FGF12: variants seen among roughly 807,000 people sequenced by gnomAD.
FGF12 encodes the protein fibroblast growth factor 12.
FGF12 carries 14 observed loss-of-function variants against 23.6 expected under a neutral mutation model. That is an observed-to-expected ratio of 0.59 (90% CI 0.39 to 0.93). The LOEUF (loss-of-function observed/expected upper bound fraction) is 0.93, where lower values mean the gene tolerates loss of function less well. Among genes scored for constraint, FGF12 ranks in the 40% least tolerant of loss-of-function variants. The probability of loss-of-function intolerance (pLI) is 0.00; values close to 1 mark genes in which losing one functional copy is unlikely to be tolerated. For missense variants in FGF12, 175 were observed against 217.8 expected, an observed-to-expected ratio of 0.80 and a Z score of 1.24; for synonymous variants, 62 against 77.3, an observed-to-expected ratio of 0.80 and a Z score of 1.04.
Position 192,562,721 on chromosome 3 carries a change from AACCCT to A in FGF12, c.13+164455_13+164459del, listed in dbSNP as rs371757554. Reference sequence around the variant, plus strand: ...CAGAAGATAAATTCTGGGTGATACTAACCCTACCTCTGAGACTTTTTTTTTTTTTT... The same window carrying A: ...CAGAAGATAAATTCTGGGTGATACTAACCTCTGAGACTTTTTTTTTTTTTT... On this transcript the variant is annotated intron_variant, in intron 2 of 5. Transcript: ENST00000445105. Among the ~76,000 whole-genome samples, 853 of 151,130 alleles carry A rather than the reference AACCCT, an allele frequency of 5.6e-3. 9 individuals carry two copies. Among genetic ancestry groups the A allele is most frequent in the African/African-American group, 0.019 (805 of 41,318 alleles).
intron 2 of FGF12, among the ~76,000 whole-genome samples, chr3:192,484,315 TAAAAAAAAA>T (rs57914760): frequency 3.0e-5 from 3 of 99,678 alleles, no homozygotes; most frequent in Admixed American, 1.2e-4. Context: ...TCCATTTTCC[TAAAAAAAAA>T]AAAAAAAAAA....
chr3:192,727,142 C>T, intron 2 of FGF12, 39 bp downstream of exon 2: 4 of 1,567,286 alleles, frequency 2.6e-6, no homozygotes, highest in Non-Finnish European at 3.5e-6. Flanking sequence ...GCCACACGCA[C>T]ATGCAGCGGG....
intron 4 of FGF12, among the ~76,000 whole-genome samples, chr3:192,187,256 T>A (rs558482422): frequency 6.6e-6 from 1 of 152,310 alleles, no homozygotes; most frequent in African/African-American, 2.4e-5. Context: ...TCGACGAGTT[T>A]TAGTTTCTGA....
At chr3:192,410,546 T>G (rs972621186) in intron 2 of FGF12, among the ~76,000 whole-genome samples, 32 of 152,258 alleles carry the variant, frequency 2.1e-4, no homozygotes, top group African/African-American at 7.7e-4. Flanking sequence ...ATTCTCTGTT[T>G]AGTTAGGAAG....
Position 192,360,595 on chromosome 3 carries a change from C to T in FGF12, c.14-57G>A. 1.7e-6 allele frequency: 2 copies of T among 1,185,328 alleles called. No individual in the cohort carries two copies. The highest frequency in any genetic ancestry group is 2.4e-5 in the South Asian group (2 of 81,842). 73.4% of individuals were successfully genotyped at this position (1,185,328 alleles called of 1,614,324 possible). A position where few individuals can be genotyped will look rare whatever the true frequency, so the allele number is the denominator to read the frequency against. On this transcript the variant is annotated intron_variant, in intron 2 of 5. Transcript: ENST00000445105. The surrounding 1 kb of genome is among the most constrained non-coding windows in gnomAD (Gnocchi z 4.3). ...TTTGGCTTACACAAATGCACACTTA[C>T]AGATTGTTAAAAACATCCTGTAAGT... is the stretch of plus-strand genomic sequence containing the variant.
At chr3:192,554,467 T>C (rs1024969392) in intron 2 of FGF12, among the ~76,000 whole-genome samples, 1 of 152,016 alleles carries the variant, frequency 6.6e-6, no homozygotes, top group Non-Finnish European at 1.5e-5. Flanking sequence ...AACTGGCAAA[T>C]CTCTCTAATG....
chr3:192,450,485 C>CCTAACTTTT (rs1223062828), intron 2 of FGF12, among the ~76,000 whole-genome samples: 1 of 152,184 alleles, frequency 6.6e-6, no homozygotes, highest in Non-Finnish European at 1.5e-5. Context: ...AAACTCAACA[C>CCTAACTTTT]AGGATACTGA....
Position 192,408,733 on chromosome 3 carries a change from C to T in FGF12, c.14-48195G>A, listed in dbSNP as rs9847297. Reference sequence around the variant, plus strand: ...AGAGTCTGGACCCAGGCGGGTAGCGCGCCCCCGGTAGAAAATACTAAAAAG... The same window carrying T: ...AGAGTCTGGACCCAGGCGGGTAGCGTGCCCCCGGTAGAAAATACTAAAAAG... On this transcript the variant is annotated intron_variant, in intron 2 of 5. Coordinates refer to ENST00000445105, the MANE Select transcript of FGF12 (RefSeq NM_004113.6). This position sits in a 1 kb window ranked among gnomAD's most constrained non-coding sequence, Gnocchi z 7.3. 5,263 of 986,820 alleles carry T rather than the reference C, an allele frequency of 5.3e-3. 199 individuals are homozygous for T. In the African/African-American group the frequency reaches 0.085, roughly 16 times the overall value. 61.1% of individuals were successfully genotyped at this position (986,820 alleles called of 1,614,324 possible).
intron 2 of FGF12, among the ~76,000 whole-genome samples, chr3:192,522,146 C>G (rs376473979): frequency 6.6e-6 from 1 of 150,558 alleles, no homozygotes; most frequent in East Asian, 2.0e-4. Context: ...TGCAATGAGC[C>G]GAGATCGCGC....
chr3:192,378,823 T>C (rs1231453110), intron 2 of FGF12, among the ~76,000 whole-genome samples: 2 of 152,090 alleles, frequency 1.3e-5, no homozygotes, highest in African/African-American at 4.8e-5. Flanking sequence ...AACTCATGGA[T>C]TGGGGGGCTG....
At chr3:192,594,556 G>A (rs1014922323) in intron 2 of FGF12, among the ~76,000 whole-genome samples, 5 of 151,864 alleles carry the variant, frequency 3.3e-5, no homozygotes, top group East Asian at 1.9e-4. Flanking sequence ...TGTTGGAAAC[G>A]TAATCCCCAA....
intron 4 of FGF12, among the ~76,000 whole-genome samples, chr3:192,280,902 T>C (rs571829716): frequency 5.3e-5 from 8 of 152,316 alleles, no homozygotes; most frequent in African/African-American, 1.9e-4. Context: ...ATGTAAAATT[T>C]AGGCCTTTTT....
chr3:192,274,700 A>G (rs1713670781), intron 4 of FGF12, among the ~76,000 whole-genome samples: 1 of 152,224 alleles, frequency 6.6e-6, no homozygotes, highest in African/African-American at 2.4e-5. Context: ...CTTTAAGGAT[A>G]CGTAAGCATT....
At chr3:192,570,704 T>A (rs1019808917) in intron 2 of FGF12, among the ~76,000 whole-genome samples, 1 of 152,264 alleles carries the variant, frequency 6.6e-6, no homozygotes, top group African/African-American at 2.4e-5. Context: ...TTCACAATCC[T>A]GGAAATCAAC....
intron 2 of FGF12, among the ~76,000 whole-genome samples, chr3:192,425,774 T>A (rs1721672047): frequency 6.6e-6 from 1 of 152,254 alleles, no homozygotes; most frequent in African/African-American, 2.4e-5. Context: ...TAGAATTTAA[T>A]CTATAAAGTC....
chr3:192,406,380 C>T lies in FGF12; in HGVS notation c.14-45842G>A, dbSNP rs539866475. Among the ~76,000 whole-genome samples, 5 of 152,054 alleles carry T rather than the reference C, an allele frequency of 3.3e-5. No individual in the cohort carries two copies. The East Asian group carries it at 5.8e-4, about 18-fold the overall frequency. On this transcript the variant is annotated intron_variant, in intron 2 of 5. Transcript: ENST00000445105. ...AATTTTCCCAACTAGAGTGCAAGCA[C>T]GTACTTCAGAGATTGAGATATAAAA...
At chr3:192,424,776 A>G (rs1721642744) in intron 2 of FGF12, among the ~76,000 whole-genome samples, 1 of 152,104 alleles carries the variant, frequency 6.6e-6, no homozygotes, top group Admixed American at 6.6e-5. Context: ...ACACACACAA[A>G]CACACACACG....
At chr3:192,534,853 A>G (rs1207184171) in intron 2 of FGF12, among the ~76,000 whole-genome samples, 1 of 152,154 alleles carries the variant, frequency 6.6e-6, no homozygotes, top group African/African-American at 2.4e-5. Flanking sequence ...TAAGATAACT[A>G]TTTTTCTAAT....
At chr3:192,283,315 G>T (rs1236713717) in intron 4 of FGF12, among the ~76,000 whole-genome samples, 1 of 151,988 alleles carries the variant, frequency 6.6e-6, no homozygotes, top group Non-Finnish European at 1.5e-5. Context: ...TTCACTCTGG[G>T]TAGGACATTG....
Sources: gnomAD v4.1 joint callset for allele counts (sites outside exome capture counted in the v4.1 genomes callset) on GRCh38, gnomAD v4.1.1 for gene constraint, Gnocchi (gnomAD v3.1) non-coding constraint, MANE v1.5 for transcripts, NCBI Gene and HGNC (gene_info 2026-07-23, HGNC 2026-07-21) for gene names.